The following ZNF827 variants were observed in gnomAD, a reference collection of about 807,000 sequenced individuals.
ZNF827 encodes zinc finger protein 827.
Under a neutral mutation model 102.4 loss-of-function variants are expected in ZNF827, and 13 were observed. The ratio of observed to expected loss-of-function variants is 0.13; its 90% CI spans 0.08 to 0.20. ZNF827 has a LOEUF of 0.20. ZNF827 is among the 10% of genes least tolerant of loss of function. The pLI, the probability that ZNF827 is intolerant of heterozygous loss-of-function variation, is 1.00. For missense variants in ZNF827, 1,103 were observed against 1,344.4 expected, an observed-to-expected ratio of 0.82 and a Z score of 2.81; for synonymous variants, 523 against 536.2, an observed-to-expected ratio of 0.98 and a Z score of 0.34.
chr4:145,769,315 T>C (rs960220507), intron 11 of ZNF827, among the ~76,000 whole-genome samples: 1 of 152,302 alleles, frequency 6.6e-6, no homozygotes, highest in South Asian at 2.1e-4. Context: ...TATCAGTATA[T>C]ATTTAACCAG....
chr4:145,917,355 C>T (rs1014941923), intron 1 of ZNF827, among the ~76,000 whole-genome samples: 1 of 152,142 alleles, frequency 6.6e-6, no homozygotes, highest in Non-Finnish European at 1.5e-5. Context: ...GATCAAGGGG[C>T]TGCATCTTGT....
intron 2 of ZNF827, among the ~76,000 whole-genome samples, chr4:145,898,648 C>T (rs1459590462): frequency 6.6e-6 from 1 of 152,076 alleles, no homozygotes; most frequent in Non-Finnish European, 1.5e-5. Flanking sequence ...GTGCTGGGGG[C>T]GCAGGGTCAC....
rs796588680 is a variant in ZNF827 at position 145,934,058 on chromosome 4, T to G, written c.43+4307A>C. ...TTTTTTTAAATATAGTATTGGACCTTGTTAATGGAAAGAACTTTTGTAAAA... is the reference window on the plus strand; with the variant it reads ...TTTTTTTAAATATAGTATTGGACCTGGTTAATGGAAAGAACTTTTGTAAAA... On this transcript the variant is annotated intron_variant, in intron 1 of 14. Coordinates refer to ENST00000508784, the MANE Select transcript of ZNF827 (RefSeq NM_001306215.2). Among the ~76,000 whole-genome samples the G allele has an allele frequency of 3.9e-5, 6 of 152,326 alleles. 1 individual carries two copies. The highest frequency in any genetic ancestry group is 1.4e-4 in the African/African-American group (6 of 41,562).
chr4:145,811,644 TA>T (rs1369644370), intron 8 of ZNF827, among the ~76,000 whole-genome samples: 1 of 152,202 alleles, frequency 6.6e-6, no homozygotes, highest in Non-Finnish European at 1.5e-5. Flanking sequence ...CACAATTTTT[TA>T]ATCATTTAAA....
chr4:145,868,029 T>C (rs1748357347), intron 5 of ZNF827, among the ~76,000 whole-genome samples: 1 of 152,250 alleles, frequency 6.6e-6, no homozygotes, highest in Admixed American at 6.5e-5. Context: ...TCTTCATTCT[T>C]GCAAGAGCAC....
intron 3 of ZNF827, among the ~76,000 whole-genome samples, chr4:145,889,555 T>C (rs1185547175): frequency 4.8e-5 from 3 of 62,892 alleles, no homozygotes; most frequent in Admixed American, 1.5e-4. Context: ...CTGACCCCAC[T>C]TTTTTTTTTT....
intron 1 of ZNF827, among the ~76,000 whole-genome samples, chr4:145,919,060 A>T (rs569111266): frequency 5.3e-4 from 81 of 152,088 alleles, no homozygotes; most frequent in African/African-American, 1.9e-3. Flanking sequence ...TTTTGAGACC[A>T]GCCTGGGCAA....
At chr4:145,885,638 G>C (rs946069587) in intron 4 of ZNF827, 40 bp downstream of exon 4, 1 of 1,504,918 alleles carries the variant, frequency 6.6e-7, no homozygotes, top group Non-Finnish European at 8.9e-7. Context: ...GAGAGAGAGA[G>C]AGAGAGAGAG....
chr4:145,842,804 A>C (rs1745545749), intron 7 of ZNF827, among the ~76,000 whole-genome samples: 1 of 152,202 alleles, frequency 6.6e-6, no homozygotes, highest in African/African-American at 2.4e-5. Context: ...AAGTGCGAAA[A>C]ATTCTGAACT....
chr4:145,804,979 C>G (rs1394198316), intron 8 of ZNF827, among the ~76,000 whole-genome samples: 1 of 152,204 alleles, frequency 6.6e-6, no homozygotes, highest in African/African-American at 2.4e-5. Flanking sequence ...TAAATCACCT[C>G]TTCAATGGCA....
In ZNF827 at chr4:145,937,507, C is replaced by A. The variant is rs1204554288; in HGVS notation, c.43+858G>T. Among the ~76,000 whole-genome samples, 5 of 148,854 alleles carry A rather than the reference C, an allele frequency of 3.4e-5. No individual in the cohort carries two copies. The East Asian group carries it at 5.9e-4, about 18-fold the overall frequency. On this transcript the variant is annotated intron_variant, in intron 1 of 14. Transcript: ENST00000508784. ...CCTGCCTCCTGCCTTCGCCTCGGCG[C>A]AGCTCCCGCACCCCACATCCGCCCG...
intron 7 of ZNF827, among the ~76,000 whole-genome samples, chr4:145,826,038 A>G (rs1743640911): frequency 6.6e-6 from 1 of 152,244 alleles, no homozygotes; most frequent in Non-Finnish European, 1.5e-5. Flanking sequence ...AGCTACAGAG[A>G]GAAGATATTA....
At chr4:145,862,645 A>C (rs1418825613) in intron 5 of ZNF827, among the ~76,000 whole-genome samples, 2 of 152,212 alleles carry the variant, frequency 1.3e-5, no homozygotes, top group Non-Finnish European at 2.9e-5. Flanking sequence ...TGACATATAA[A>C]TATTCTTTGC....
intron 1 of ZNF827, among the ~76,000 whole-genome samples, chr4:145,919,761 A>G (rs1752929134): frequency 6.6e-6 from 1 of 152,256 alleles, no homozygotes; most frequent in Non-Finnish European, 1.5e-5. Context: ...ACTGCAAAGC[A>G]TGGATAACAT....
At chr4:145,893,421 G>A (rs779235752) in intron 2 of ZNF827, among the ~76,000 whole-genome samples, 23 of 152,134 alleles carry the variant, frequency 1.5e-4, no homozygotes, top group Non-Finnish European at 3.1e-4. Flanking sequence ...TAGCATATGT[G>A]CCCACAATAA....
intron 7 of ZNF827, among the ~76,000 whole-genome samples, chr4:145,835,697 C>T (rs1202679540): frequency 4.3e-5 from 6 of 139,380 alleles, no homozygotes; most frequent in East Asian, 2.5e-4. Context: ...CTTACCATCT[C>T]ATTAAAACCT....
chr4:145,859,544 A>G (rs886857517), intron 5 of ZNF827, among the ~76,000 whole-genome samples: 8 of 152,102 alleles, frequency 5.3e-5, no homozygotes, highest in African/African-American at 1.9e-4. Context: ...TCACTTCCCC[A>G]TAGTTTCTGG....
chr4:145,848,508 G>C (rs1234928699), intron 6 of ZNF827, among the ~76,000 whole-genome samples: 2 of 152,118 alleles, frequency 1.3e-5, no homozygotes, highest in Non-Finnish European at 2.9e-5. Context: ...TTAGTAACAG[G>C]CTTTATTGAT....
At chr4:145,789,318 A>C (rs1739334780) in intron 8 of ZNF827, among the ~76,000 whole-genome samples, 1 of 152,206 alleles carries the variant, frequency 6.6e-6, no homozygotes, top group African/African-American at 2.4e-5. Flanking sequence ...ATAAAGACTT[A>C]AAGTGCATAA....
Sources: allele counts gnomAD v4.1 joint callset (sites outside exome capture counted in the v4.1 genomes callset), GRCh38; gene constraint gnomAD v4.1.1; transcripts MANE v1.5; gene names NCBI Gene and HGNC (gene_info 2026-07-23, HGNC 2026-07-21).